Variants in MAP2 observed in about 807,000 individuals in gnomAD.
MAP2 encodes the protein microtubule-associated protein 2.
In MAP2, 14 loss-of-function variants were observed where a neutral mutation model predicts 137.6. That is an observed-to-expected ratio of 0.10 (90% confidence interval 0.07 to 0.16). The LOEUF (loss-of-function observed/expected upper bound fraction) is 0.16, where lower values mean the gene tolerates loss of function less well. Ranked by LOEUF, MAP2 falls within the 10% of genes least tolerant of loss-of-function variation. MAP2 has a pLI of 1.00. For missense variants in MAP2, 2,088 were observed against 2,191.5 expected, an observed-to-expected ratio of 0.95 and a Z score of 0.94; for synonymous variants, 786 against 782.3, an observed-to-expected ratio of 1.00 and a Z score of -0.08.
At chr2:209,713,066 A>G (rs1401674315) in intron 13 of MAP2, among the ~76,000 whole-genome samples, 1 of 152,210 alleles carries the variant, frequency 6.6e-6, no homozygotes, top group African/African-American at 2.4e-5. Context: ...TGTAATTCTT[A>G]TTAAAGAAGA....
intron 14 of MAP2, among the ~76,000 whole-genome samples, chr2:209,726,749 G>A (rs1489812155): frequency 6.6e-6 from 1 of 152,138 alleles, no homozygotes; most frequent in Non-Finnish European, 1.5e-5. Context: ...AGGCAACAGA[G>A]CAAGACCTTG....
At chr2:209,574,745 T>C (rs2075028733) in intron 2 of MAP2, among the ~76,000 whole-genome samples, 1 of 152,238 alleles carries the variant, frequency 6.6e-6, no homozygotes, top group Non-Finnish European at 1.5e-5. Flanking sequence ...AAATATATTT[T>C]TGTGTGGACC....
intron 7 of MAP2, 150 bp from the exon 8 acceptor site, chr2:209,692,475 T>C (rs986691648): frequency 4.0e-6 from 3 of 748,230 alleles, no homozygotes; most frequent in Non-Finnish European, 6.1e-6. Context: ...GACCTTTTCA[T>C]ATTGACTTTT....
intron 1 of MAP2, among the ~76,000 whole-genome samples, chr2:209,463,151 G>A (rs565378340): frequency 6.6e-6 from 1 of 152,274 alleles, no homozygotes; most frequent in East Asian, 1.9e-4. Flanking sequence ...GGCAGGAAGA[G>A]ATGGAGGAAG....
intron 2 of MAP2, among the ~76,000 whole-genome samples, chr2:209,531,628 G>A (rs2065125697): frequency 6.6e-6 from 1 of 152,114 alleles, no homozygotes; most frequent in South Asian, 2.1e-4. Context: ...ATTTGTCTGT[G>A]TACTTTACAA....
At chr2:209,724,033 A>G (rs1349482283) in intron 13 of MAP2, among the ~76,000 whole-genome samples, 1 of 152,176 alleles carries the variant, frequency 6.6e-6, no homozygotes, top group Non-Finnish European at 1.5e-5. Flanking sequence ...CTCCACTACA[A>G]AAGTCAGCTG....
At chr2:209,508,596 A>C (rs1310174023) in intron 2 of MAP2, among the ~76,000 whole-genome samples, 1 of 151,712 alleles carries the variant, frequency 6.6e-6, no homozygotes, top group African/African-American at 2.4e-5. Flanking sequence ...ACACACACAC[A>C]CACACACACA....
At chr2:209,598,715 G>C (rs1193128455) in intron 3 of MAP2, among the ~76,000 whole-genome samples, 1 of 150,480 alleles carries the variant, frequency 6.6e-6, no homozygotes, top group Non-Finnish European at 1.5e-5. Context: ...TTTTGTTCTT[G>C]CAATAGTTTA....
intron 7 of MAP2, among the ~76,000 whole-genome samples, chr2:209,682,768 G>A (rs900842233): frequency 1.1e-4 from 16 of 152,126 alleles, no homozygotes; most frequent in Non-Finnish European, 2.1e-4. Context: ...AAGGGGGTCC[G>A]TGGCTGATGG....
chr2:209,705,763 C>T lies in MAP2; in HGVS notation c.4732+36C>T, dbSNP rs1047944512. 1.9e-6 allele frequency: 3 copies of T among 1,580,854 alleles called. No individual in the cohort carries two copies. In the Admixed American group the frequency reaches 5.1e-5, roughly 27 times the overall value. ...TTTGATTTGAATTCCTTTTTAAGCA[C>T]TTTTTAAATCCTTTAAGTGGAATAG... On this transcript the variant is annotated intron_variant, in intron 12 of 15. Coordinates refer to ENST00000682079, the MANE Select transcript of MAP2 (RefSeq NM_001375505.1).
rs1314255993 is a variant in MAP2, at chr2:209,709,941, A to G, written c.4760A>G (p.Lys1587Arg). 3 of 1,613,774 alleles carry G rather than the reference A, an allele frequency of 1.9e-6. No individual in the cohort carries two copies. The highest frequency in any genetic ancestry group is 2.2e-5 in the East Asian group (1 of 44,864). Reference sequence around the variant, plus strand: ...TCAGAGCCAATTCGCAGAGCAGGGAAGAGTGGTACCTCAACACCCACTACC... The same window carrying G: ...TCAGAGCCAATTCGCAGAGCAGGGAGGAGTGGTACCTCAACACCCACTACC... ...TRSEPIRRAG[K>R]SGTSTPTTPG... The change falls in exon 13 of 16, where the codon AAG becomes AGG. Residue 1587 changes from lysine (K) to arginine (R), a missense_variant. By Grantham distance (26) the Lys-to-Arg change is conservative. Around this residue, in one of 6 missense-constraint regions of MAP2, gnomAD observed 591 missense variants for 642.6 expected, o/e 0.92. Coordinates refer to ENST00000682079, the MANE Select transcript of MAP2 (RefSeq NM_001375505.1).
intron 1 of MAP2, among the ~76,000 whole-genome samples, chr2:209,474,806 A>C (rs982805740): frequency 8.5e-5 from 13 of 152,242 alleles, no homozygotes; most frequent in African/African-American, 3.1e-4. Flanking sequence ...TACTATATGC[A>C]TACATATATG....
intron 1 of MAP2, among the ~76,000 whole-genome samples, chr2:209,495,458 G>A (rs960465988): frequency 6.6e-6 from 1 of 152,228 alleles, no homozygotes; most frequent in Non-Finnish European, 1.5e-5. Flanking sequence ...TCTGGTGGGT[G>A]TCCCTCTGGG....
chr2:209,536,627 C>G (rs991166725), intron 2 of MAP2, among the ~76,000 whole-genome samples: 4 of 152,140 alleles, frequency 2.6e-5, no homozygotes, highest in African/African-American at 2.4e-5. Context: ...GAAGCCTTGT[C>G]TGTGTCTTGG....
At chr2:209,466,347 G>A (rs1575487744) in intron 1 of MAP2, among the ~76,000 whole-genome samples, 1 of 152,082 alleles carries the variant, frequency 6.6e-6, no homozygotes, top group Admixed American at 6.6e-5. Context: ...TTTCTAGACT[G>A]ATTTTTCCCT....
At chr2:209,652,657 G>A (rs2094887433) in intron 4 of MAP2, among the ~76,000 whole-genome samples, 1 of 152,102 alleles carries the variant, frequency 6.6e-6, no homozygotes, top group South Asian at 2.1e-4. Flanking sequence ...GAGAGTACAT[G>A]GGATAATTTT....
At chr2:209,568,421 A>G (rs902720464) in intron 2 of MAP2, among the ~76,000 whole-genome samples, 1 of 151,996 alleles carries the variant, frequency 6.6e-6, no homozygotes, top group Non-Finnish European at 1.5e-5. Flanking sequence ...AGGATCATGC[A>G]GAATTTAAGC....
intron 2 of MAP2, among the ~76,000 whole-genome samples, chr2:209,550,144 T>G (rs1205024307): frequency 2.0e-5 from 3 of 152,174 alleles, no homozygotes; most frequent in Non-Finnish European, 4.4e-5. Flanking sequence ...GCATTTTACA[T>G]TAGAAACATT....
chr2:209,592,029 C>T (rs2079389230), intron 3 of MAP2, among the ~76,000 whole-genome samples: 1 of 152,142 alleles, frequency 6.6e-6, no homozygotes, highest in Admixed American at 6.6e-5. Context: ...CTTGTCTCTT[C>T]CCAACTCCTG....
Sources: allele counts gnomAD v4.1 joint callset (sites outside exome capture counted in the v4.1 genomes callset), GRCh38; gene constraint gnomAD v4.1.1; regional missense constraint gnomAD v4.1.1; transcripts MANE v1.5; gene names NCBI Gene and HGNC (gene_info 2026-07-23, HGNC 2026-07-21).